KCNT1: variants seen among roughly 807,000 people sequenced by gnomAD.
KCNT1 encodes potassium sodium-activated channel subfamily T member 1.
In KCNT1, 78 loss-of-function variants were observed where a neutral mutation model predicts 147.8. The observed-to-expected ratio is 0.53, with a 90% confidence interval of 0.44 to 0.64. The LOEUF is 0.64. Ranked by LOEUF, KCNT1 falls within the 30% of genes least tolerant of loss-of-function variation. KCNT1 has a pLI of 0.00. For missense variants in KCNT1, 1,419 were observed against 1,750.3 expected (o/e 0.81, Z 3.38); for synonymous variants, 867 against 748.8 (o/e 1.16, Z -2.58).
intron 2 of KCNT1, among the ~76,000 whole-genome samples, chr9:135,743,405 A>G (rs572966144): frequency 2.6e-5 from 4 of 152,172 alleles, no homozygotes; most frequent in South Asian, 2.1e-4. Context: ...TTACTGTTCC[A>G]TGCACGGCAC....
At chr9:135,766,358 T>C (rs12552733) in intron 13 of KCNT1, among the ~76,000 whole-genome samples, 34,598 of 143,106 alleles carry the variant, frequency 0.24, 4,092 homozygotes, top group Middle Eastern at 0.39. Flanking sequence ...CTGGGATGGA[T>C]CTCTAGGGTG....
Position 135,721,529 on chromosome 9 carries a change from C to T in KCNT1, c.254+6809C>T, listed in dbSNP as rs117770259. Among the ~76,000 whole-genome samples, 192 of 152,250 alleles carry T rather than the reference C, an allele frequency of 1.3e-3. 4 individuals are homozygous for T. The East Asian group carries it at 0.035, about 28-fold the overall frequency. ...CCCAGGCAGGCTGGGGTCTCCTGGC[C>T]GGGGGAGGGTGCCGGCCATGCGCAT... On this transcript the variant is annotated intron_variant, in intron 2 of 30. Transcript: ENST00000371757.
chr9:135,770,754 C>G, intron 17 of KCNT1, 103 bp from the exon 18 acceptor site: 1 of 1,159,870 alleles, frequency 8.6e-7, no homozygotes, highest in Admixed American at 2.3e-5. Context: ...GAGGAAGACG[C>G]GGAGCTCCGG....
intron 2 of KCNT1, among the ~76,000 whole-genome samples, chr9:135,734,625 C>T (rs754429776): frequency 7.2e-5 from 11 of 152,164 alleles, no homozygotes; most frequent in African/African-American, 1.9e-4. Context: ...TCAAAGGCCA[C>T]GAGTAAGTGA....
chr9:135,785,769 T>G, intron 28 of KCNT1: 1 of 428,762 alleles, frequency 2.3e-6, no homozygotes, highest in Non-Finnish European at 4.3e-6. Context: ...CTCCAAAGGG[T>G]GTGTTTGCAA....
At position 135,792,997 on chromosome 9, in the gene KCNT1, G is replaced by C. The variant is rs1834652993; in HGVS notation, c.*836G>C. 6.6e-6 allele frequency: 1 copy of C among 152,226 alleles called. No homozygotes were observed. Among genetic ancestry groups the C allele is most frequent in the African/African-American group, 2.4e-5 (1 of 41,444 alleles). The allele number at this position is 152,226 out of a possible 1,614,324, so 9.4% of individuals were successfully genotyped here. On this transcript the variant is annotated 3_prime_UTR_variant, in exon 31 of 31. Coordinates refer to ENST00000371757, the MANE Select transcript of KCNT1 (RefSeq NM_020822.3). ...CAGCCTCCGGGCTGGGCCACGTGGA[G>C]AGAGAGGATCTTCTCAGCAAGGCGA...
chr9:135,734,878 C>T (rs1441961308), intron 2 of KCNT1, among the ~76,000 whole-genome samples: 1 of 152,184 alleles, frequency 6.6e-6, no homozygotes, highest in Non-Finnish European at 1.5e-5. Flanking sequence ...GTCCATCGGC[C>T]CTTTGTGCAG....
intron 2 of KCNT1, among the ~76,000 whole-genome samples, chr9:135,715,532 G>A (rs147654286): frequency 0.029 from 1,490 of 51,590 alleles, 8 homozygotes; most frequent in Middle Eastern, 0.18. Flanking sequence ...CGGCAGGGTC[G>A]GGGTTGTCAC....
At chr9:135,765,583 G>C (rs1440008142) in intron 12 of KCNT1, 41 bp from the exon 13 acceptor site, 4 of 1,582,440 alleles carry the variant, frequency 2.5e-6, no homozygotes, top group Admixed American at 1.7e-5. Context: ...GGGCGGGGCA[G>C]GGGCTGGCTC....
intron 2 of KCNT1, among the ~76,000 whole-genome samples, chr9:135,717,114 G>A (rs1835750573): frequency 6.6e-6 from 1 of 151,454 alleles, no homozygotes; most frequent in African/African-American, 2.4e-5. Context: ...GGGAGGGAGG[G>A]GACCTGGCCC....
intron 19 of KCNT1, 131 bp downstream of exon 19, chr9:135,773,080 C>T (rs994363599): frequency 3.1e-5 from 18 of 582,216 alleles, no homozygotes; most frequent in Non-Finnish European, 4.4e-5. Context: ...CCGTGGAAGT[C>T]CTTGTTTGAC....
rs780021080 is a variant in KCNT1 at position 135,778,783 on chromosome 9, C to T, written c.2690C>T (p.Ala897Val). The T allele has an allele frequency of 4.3e-6, 7 of 1,613,768 alleles. No individual in the cohort carries two copies. The highest frequency in any genetic ancestry group is 2.2e-5 in the East Asian group (1 of 44,896). The change falls in exon 23 of 31, where the codon GCG becomes GTG. Residue 897 changes from alanine to valine, a missense_variant. By Grantham distance (64) the Ala-to-Val change is moderately conservative. Transcript: ENST00000371757. ...STMSAEEDYM[A>V]DAKTIVNVQT... ...ATGAGCGCCGAGGAGGACTACATGGCGGACGCCAAGACCATCGTCAACGTG... is the reference window on the plus strand; with the variant it reads ...ATGAGCGCCGAGGAGGACTACATGGTGGACGCCAAGACCATCGTCAACGTG...
chr9:135,714,977 C>G lies in KCNT1; in HGVS notation c.254+257C>G, dbSNP rs891993837. 6.6e-6 allele frequency among the ~76,000 whole-genome samples: 1 copy of G among 152,224 alleles called. No individual in the cohort carries two copies. The highest frequency in any genetic ancestry group is 1.5e-5 in the Non-Finnish European group (1 of 68,036). ...GTCTTCCAGAGCCCGACTTGGGGCGCGGAGGCGGAGGGCGGCCTGGCCTTC... is the reference window on the plus strand; with the variant it reads ...GTCTTCCAGAGCCCGACTTGGGGCGGGGAGGCGGAGGGCGGCCTGGCCTTC... On this transcript the variant is annotated intron_variant, in intron 2 of 30. Coordinates refer to ENST00000371757, the MANE Select transcript of KCNT1 (RefSeq NM_020822.3). The surrounding 1 kb of genome is among the most constrained non-coding windows in gnomAD (Gnocchi z 6.2).
At chr9:135,756,973 A>ACC (rs1564351561) in intron 7 of KCNT1, 41 bp downstream of exon 7, 8 of 653,224 alleles carry the variant, frequency 1.2e-5, no homozygotes, top group South Asian at 3.5e-5. Context: ...GGGGGTCCCC[A>ACC]CCCTCCCCAC....
At position 135,770,822 on chromosome 9, in the gene KCNT1, C is replaced by T. The variant is rs767783813; in HGVS notation, c.1770-35C>T. ...CAGGGAGCGGGACAGGGCGGGTGAG[C>T]GGCGGTACCTGAAGTTGCCGGTGCC... On this transcript the variant is annotated intron_variant, in intron 17 of 30. Transcript: ENST00000371757. 10 of 1,524,166 alleles carry T rather than the reference C, an allele frequency of 6.6e-6. No homozygotes were observed. In the South Asian group the frequency reaches 7.2e-5, roughly 11 times the overall value. The allele number at this position is 1,524,166 out of a possible 1,614,324, so 94.4% of individuals were successfully genotyped here.
chr9:135,786,877 G>A (rs1471838034), intron 29 of KCNT1, among the ~76,000 whole-genome samples: 2 of 152,250 alleles, frequency 1.3e-5, no homozygotes, highest in Non-Finnish European at 2.9e-5. Flanking sequence ...GACAGGAGCT[G>A]GCTGAGCCCT....
At chr9:135,717,404 G>A (rs1400637246) in intron 2 of KCNT1, among the ~76,000 whole-genome samples, 1 of 152,144 alleles carries the variant, frequency 6.6e-6, no homozygotes, top group African/African-American at 2.4e-5. Context: ...CTTGGGCCTG[G>A]TGGAGATGGT....
intron 1 of KCNT1, among the ~76,000 whole-genome samples, chr9:135,711,996 G>A (rs1835514588): frequency 6.6e-6 from 1 of 152,246 alleles, no homozygotes; most frequent in Admixed American, 6.5e-5. Context: ...TCAGGGAGGT[G>A]AAGTGACTCG....
At chr9:135,788,836 G>T (rs151336562) in intron 29 of KCNT1, among the ~76,000 whole-genome samples, 1,700 of 152,294 alleles carry the variant, frequency 0.011, 15 homozygotes, top group Non-Finnish European at 0.014. Context: ...GCAGAGTCCG[G>T]GCCAGGGTGC....
Sources: allele counts gnomAD v4.1 joint callset (sites outside exome capture counted in the v4.1 genomes callset), GRCh38; gene constraint gnomAD v4.1.1; non-coding constraint Gnocchi (gnomAD v3.1); transcripts MANE v1.5; gene names NCBI Gene and HGNC (gene_info 2026-07-23, HGNC 2026-07-21).